NMI: variants seen among roughly 807,000 people sequenced by gnomAD.
NMI encodes N-myc-interactor.
In NMI, 39 loss-of-function variants were observed where a neutral mutation model predicts 34.3. The observed-to-expected ratio is 1.14, with a 90% CI of 0.88 to 1.49. The LOEUF (loss-of-function observed/expected upper bound fraction) is 1.49. Ranked by LOEUF, NMI falls within the 40% of genes most tolerant of loss-of-function variation. The pLI, the probability that NMI is intolerant of heterozygous loss-of-function variation, is 0.00. For synonymous variants in NMI, 113 were observed against 120.3 expected, an observed-to-expected ratio of 0.94 and a Z score of 0.40; for missense variants, 339 against 358.1, an observed-to-expected ratio of 0.95 and a Z score of 0.43.
chr2:151,281,886 T>C (rs775269657), intron 3 of NMI, 62 bp downstream of exon 3: 6 of 820,252 alleles, frequency 7.3e-6, no homozygotes, highest in Non-Finnish European at 1.2e-5. Context: ...GTAATTAAAA[T>C]GCTTTTTCCA....
intron 3 of NMI, among the ~76,000 whole-genome samples, chr2:151,280,171 G>A (rs1683362618): frequency 8.9e-6 from 1 of 112,710 alleles, no homozygotes. Context: ...TTCCAGCCTG[G>A]GCAACAAGAA....
In NMI at chr2:151,271,504, G is replaced by A. The variant is rs771685663; in HGVS notation, c.741+122C>T. The A allele has an allele frequency of 7.3e-6, 5 of 682,122 alleles. No individual in the cohort carries two copies. The East Asian group carries it at 1.4e-4, about 19-fold the overall frequency. 42.3% of individuals were successfully genotyped at this position (682,122 alleles called of 1,614,324 possible). The stretch of plus-strand genomic sequence containing the variant: ...TTGCACCAAGCAAAAATGAAGTAAA[G>A]AAACCATTTTGCTATCCCTCATTGA... On this transcript the variant is annotated intron_variant, in intron 7 of 7. Coordinates refer to ENST00000243346, the MANE Select transcript of NMI (RefSeq NM_004688.3).
Position 151,279,340 on chromosome 2 carries a change from C to T in NMI, c.178-350G>A, listed in dbSNP as rs10206584. ...TTTTTAAACAAGTGCCAATAATAGA[C>T]TATCTCAAAAGGAAATCATTAGATA... On this transcript the variant is annotated intron_variant, in intron 3 of 7. Transcript: ENST00000243346. Among the ~76,000 whole-genome samples the T allele has an allele frequency of 3.9e-3, 588 of 152,220 alleles. 4 individuals are homozygous for T. Among genetic ancestry groups the T allele is most frequent in the African/African-American group, 0.014 (563 of 41,554 alleles).
At chr2:151,286,929 C>T (rs2105213404) in intron 1 of NMI, among the ~76,000 whole-genome samples, 1 of 152,174 alleles carries the variant, frequency 6.6e-6, no homozygotes, top group East Asian at 1.9e-4. Flanking sequence ...AATTTGTATG[C>T]CATTTCTCCT....
At chr2:151,289,310 A>G (rs909994008) in intron 1 of NMI, among the ~76,000 whole-genome samples, 5 of 151,360 alleles carry the variant, frequency 3.3e-5, no homozygotes, top group Non-Finnish European at 7.4e-5. Flanking sequence ...AAATAACTTT[A>G]TGTTTCAATT....
At chr2:151,270,996 A>C in intron 7 of NMI, 121 bp from the exon 8 acceptor site, 1 of 802,606 alleles carries the variant, frequency 1.2e-6, no homozygotes, top group Non-Finnish European at 1.9e-6. Context: ...AAATCTTAGG[A>C]AGATTTTCCA....
At chr2:151,288,229 T>C (rs1209485531) in intron 1 of NMI, among the ~76,000 whole-genome samples, 2 of 152,246 alleles carry the variant, frequency 1.3e-5, no homozygotes, top group African/African-American at 2.4e-5. Context: ...TTAAGGTTGC[T>C]AATCAGCTTG....
Position 151,275,863 on chromosome 2 carries a change from A to G in NMI, c.342T>C (p.Val114=). 1 of 1,557,546 alleles carries G rather than the reference A, an allele frequency of 6.4e-7. No homozygotes were observed. Among genetic ancestry groups the G allele is most frequent in the Non-Finnish European group, 8.7e-7 (1 of 1,144,886 alleles). The part of the protein sequence containing the change: ...QALITFEKEE[V]AQNVVSMSKH... ...TACTCATGCTTACCACATTTTGAGC[A>G]ACTGAAAAATAATTCAGGAAGGAAG... The change falls in exon 5 of 8, where the codon GTT becomes GTC. Residue 114 remains valine (V), a splice_region_variant and synonymous_variant. Transcript: ENST00000243346.
At chr2:151,288,796 G>C (rs77540845) in intron 1 of NMI, 2 of 152,200 alleles carry the variant, frequency 1.3e-5, no homozygotes, top group Non-Finnish European at 2.9e-5. Context: ...CTGTTGTACA[G>C]ACTGGAAACA....
intron 1 of NMI, among the ~76,000 whole-genome samples, chr2:151,286,787 C>A (rs1195198263): frequency 6.6e-6 from 1 of 152,164 alleles, no homozygotes; most frequent in East Asian, 1.9e-4. Flanking sequence ...CTTTAAAAAT[C>A]ATTTACTAAC....
chr2:151,279,081 A>G lies in NMI; in HGVS notation c.178-91T>C, dbSNP rs575046825. 1,197 of 797,404 alleles carry G rather than the reference A, an allele frequency of 1.5e-3. 3 individuals are homozygous for G. The highest frequency in any genetic ancestry group is 9.3e-3 in the Middle Eastern group (26 of 2,782). The allele number at this position is 797,404 out of a possible 1,614,324, so 49.4% of individuals were successfully genotyped here. A position where few individuals can be genotyped will look rare whatever the true frequency, so the allele number is the denominator to read the frequency against. On this transcript the variant is annotated intron_variant, in intron 3 of 7. Coordinates refer to ENST00000243346, the MANE Select transcript of NMI (RefSeq NM_004688.3). ...ATGTAATTTGGTCATCCAATAATTCATTCCCCACTAATTTTAGAACCTTGT... is the reference window on the plus strand; with the variant it reads ...ATGTAATTTGGTCATCCAATAATTCGTTCCCCACTAATTTTAGAACCTTGT...
At chr2:151,273,195 C>T (rs796381380) in intron 6 of NMI, among the ~76,000 whole-genome samples, 4 of 151,616 alleles carry the variant, frequency 2.6e-5, no homozygotes, top group African/African-American at 9.7e-5. Flanking sequence ...AGCTATGTGG[C>T]CTTGGATATG....
At chr2:151,285,680 G>A (rs1232624997) in intron 1 of NMI, among the ~76,000 whole-genome samples, 3 of 152,038 alleles carry the variant, frequency 2.0e-5, no homozygotes, top group Non-Finnish European at 4.4e-5. Flanking sequence ...AGAAGGCCTG[G>A]GAGAGCAGAT....
intron 3 of NMI, among the ~76,000 whole-genome samples, chr2:151,280,306 A>C (rs1683365738): frequency 6.6e-6 from 1 of 152,238 alleles, no homozygotes; most frequent in Non-Finnish European, 1.5e-5. Context: ...CAAATGAGAT[A>C]GATGCTTGCA....
intron 1 of NMI, among the ~76,000 whole-genome samples, chr2:151,285,803 A>G (rs147161772): frequency 6.6e-6 from 1 of 152,316 alleles, no homozygotes; most frequent in East Asian, 1.9e-4. Context: ...CAAAACCAGG[A>G]TAGAAAAACT....
At chr2:151,285,481 G>A (rs879675198) in intron 1 of NMI, among the ~76,000 whole-genome samples, 14 of 151,816 alleles carry the variant, frequency 9.2e-5, no homozygotes, top group African/African-American at 2.7e-4. Context: ...CTAGCTACTC[G>A]GGAGGCTGAG....
At chr2:151,285,517 G>T (rs540881558) in intron 1 of NMI, among the ~76,000 whole-genome samples, 1 of 151,698 alleles carries the variant, frequency 6.6e-6, no homozygotes, top group Admixed American at 6.6e-5. Context: ...GAAGCCGGGA[G>T]GCAGAGGTTG....
At chr2:151,273,158 G>A (rs901066567) in intron 6 of NMI, among the ~76,000 whole-genome samples, 4 of 150,904 alleles carry the variant, frequency 2.7e-5, no homozygotes, top group African/African-American at 9.7e-5. Flanking sequence ...AAATAGACCA[G>A]CTTCAGTCCT....
At chr2:151,274,287 G>A (rs893282490) in intron 6 of NMI, among the ~76,000 whole-genome samples, 1 of 133,298 alleles carries the variant, frequency 7.5e-6, no homozygotes, top group East Asian at 2.5e-4. Flanking sequence ...AGGTTGCAGT[G>A]AGCTGAGATA....
Sources: allele counts gnomAD v4.1 joint callset (sites outside exome capture counted in the v4.1 genomes callset), GRCh38; gene constraint gnomAD v4.1.1; transcripts MANE v1.5; gene names NCBI Gene and HGNC (gene_info 2026-07-23, HGNC 2026-07-21).